The following TRPM3 variants were observed in gnomAD, a reference collection of about 807,000 sequenced individuals.
TRPM3 encodes transient receptor potential cation channel subfamily M member 3, also known as long transient receptor potential channel 3.
In TRPM3, 77 loss-of-function variants were observed where a neutral mutation model predicts 181.2. The observed-to-expected ratio is 0.42, with a 90% CI of 0.35 to 0.51. The LOEUF (loss-of-function observed/expected upper bound fraction) is 0.51. TRPM3 is among the 20% of genes least tolerant of loss of function. The pLI is 0.01. For synonymous variants in TRPM3, 745 were observed against 796.4 expected (o/e 0.94, Z 1.09); for missense variants, 1,759 against 2,196.7 (o/e 0.80, Z 3.98).
At chr9:71,349,762 C>G (rs2091498292) in intron 1 of TRPM3, among the ~76,000 whole-genome samples, 1 of 151,998 alleles carries the variant, frequency 6.6e-6, no homozygotes, top group Non-Finnish European at 1.5e-5. Flanking sequence ...AATCTTTCCC[C>G]CACGTGAATT....
chr9:71,156,374 CAG>C (rs1384938475), intron 1 of TRPM3, among the ~76,000 whole-genome samples: 4 of 100,316 alleles, frequency 4.0e-5, no homozygotes, highest in South Asian at 3.9e-4. Flanking sequence ...ATATATACTA[CAG>C]ACACACACAC....
intron 1 of TRPM3, among the ~76,000 whole-genome samples, chr9:71,015,177 TC>T (rs2097774730): frequency 6.6e-6 from 1 of 152,170 alleles, no homozygotes; most frequent in African/African-American, 2.4e-5. Context: ...AAATACTGAC[TC>T]CCTCTATTTA....
In TRPM3 at chr9:71,011,782, G is replaced by GTT. The variant is rs1246219196; in HGVS notation, c.177+109394_177+109395dup. Among the ~76,000 whole-genome samples, 43 of 93,222 alleles carry GTT rather than the reference G, an allele frequency of 4.6e-4. 2 individuals are homozygous for GTT. The highest frequency in any genetic ancestry group is 7.6e-4 in the South Asian group (2 of 2,626). 61.2% of individuals were successfully genotyped at this position (93,222 alleles called of 152,430 possible). Reference sequence around the variant, plus strand: ...GAATTCATCCATGGTTTTTTTTTTTGTTTTTTTGTTTTTTTTCAGACAGTA... The same window carrying GTT: ...GAATTCATCCATGGTTTTTTTTTTTGTTTTTTTTTGTTTTTTTTCAGACAGTA... On this transcript the variant is annotated intron_variant, in intron 1 of 25. Transcript: ENST00000677713.
chr9:71,441,926 C>G (rs1027879347), intron 1 of TRPM3, among the ~76,000 whole-genome samples: 2 of 152,102 alleles, frequency 1.3e-5, no homozygotes, highest in Non-Finnish European at 2.9e-5. Flanking sequence ...CCACTGTGCC[C>G]GGCCTTCTTC....
intron 1 of TRPM3, among the ~76,000 whole-genome samples, chr9:71,053,957 T>C (rs1440637478): frequency 1.3e-5 from 2 of 152,108 alleles, no homozygotes; most frequent in Non-Finnish European, 2.9e-5. Context: ...GGAGAATCAC[T>C]GGAGCACAGA....
intron 1 of TRPM3, among the ~76,000 whole-genome samples, chr9:71,402,920 A>C (rs1328123139): frequency 3.9e-5 from 6 of 152,170 alleles, no homozygotes; most frequent in Non-Finnish European, 8.8e-5. Flanking sequence ...TCACTCAAAA[A>C]ACATTAATGA....
intron 1 of TRPM3, among the ~76,000 whole-genome samples, chr9:71,208,719 G>T (rs1487847266): frequency 6.6e-6 from 1 of 152,096 alleles, no homozygotes; most frequent in Non-Finnish European, 1.5e-5. Flanking sequence ...CACAAGAATG[G>T]TTCTCATGGC....
intron 1 of TRPM3, among the ~76,000 whole-genome samples, chr9:71,291,574 C>A (rs71505936): frequency 6.6e-6 from 1 of 151,950 alleles, no homozygotes; most frequent in African/African-American, 2.4e-5. Flanking sequence ...AAAATAGACC[C>A]TAAGGCAAAA....
chr9:70,792,421 G>T (rs1275023074), intron 6 of TRPM3, among the ~76,000 whole-genome samples: 1 of 151,840 alleles, frequency 6.6e-6, no homozygotes, highest in African/African-American at 2.4e-5. Flanking sequence ...ATGGCCCCAG[G>T]AAGAGGGAAG....
intron 3 of TRPM3, among the ~76,000 whole-genome samples, chr9:70,853,520 T>G (rs535702297): frequency 1.3e-5 from 2 of 152,224 alleles, no homozygotes; most frequent in African/African-American, 4.8e-5. Flanking sequence ...GAGCGCTCAG[T>G]ATTTTACATG....
chr9:71,209,542 A>G (rs997929097), intron 1 of TRPM3, among the ~76,000 whole-genome samples: 2 of 152,228 alleles, frequency 1.3e-5, no homozygotes, highest in Non-Finnish European at 2.9e-5. Flanking sequence ...ACATCTGCCA[A>G]ATATTGGCAC....
chr9:70,986,170 G>A (rs2097419380), intron 1 of TRPM3, among the ~76,000 whole-genome samples: 1 of 151,862 alleles, frequency 6.6e-6, no homozygotes, highest in South Asian at 2.1e-4. Context: ...AGCTAGCCTG[G>A]GCAAGACCCC....
At chr9:70,895,582 A>G (rs1043631643) in intron 1 of TRPM3, among the ~76,000 whole-genome samples, 14 of 152,338 alleles carry the variant, frequency 9.2e-5, no homozygotes, top group Non-Finnish European at 1.9e-4. Flanking sequence ...ATTTATGAGC[A>G]AATTCCCAGT....
intron 1 of TRPM3, among the ~76,000 whole-genome samples, chr9:71,326,738 C>A (rs954922701): frequency 6.6e-6 from 1 of 152,154 alleles, no homozygotes; most frequent in Non-Finnish European, 1.5e-5. Context: ...GACATAGGAG[C>A]CAGCTAGAAT....
chr9:70,763,642 GT>G (rs1475792080), intron 7 of TRPM3, among the ~76,000 whole-genome samples: 1 of 151,964 alleles, frequency 6.6e-6, no homozygotes, highest in Non-Finnish European at 1.5e-5. Context: ...TCATTCATTT[GT>G]TTAGTCATTC....
chr9:70,905,568 T>C (rs2096452548), intron 1 of TRPM3, among the ~76,000 whole-genome samples: 1 of 152,196 alleles, frequency 6.6e-6, no homozygotes, highest in Non-Finnish European at 1.5e-5. Context: ...AACATACTAC[T>C]GTATAGACAG....
intron 1 of TRPM3, among the ~76,000 whole-genome samples, chr9:71,318,878 C>T (rs2088911466): frequency 6.6e-6 from 1 of 152,156 alleles, no homozygotes; most frequent in East Asian, 1.9e-4. Context: ...TTGCATTGCC[C>T]CCTAAACTTT....
chr9:70,781,010 C>T (rs2082327677), intron 7 of TRPM3, among the ~76,000 whole-genome samples: 1 of 152,012 alleles, frequency 6.6e-6, no homozygotes, highest in Non-Finnish European at 1.5e-5. Flanking sequence ...ACAACAAAAA[C>T]TGCTAATTAA....
intron 1 of TRPM3, among the ~76,000 whole-genome samples, chr9:71,423,361 T>C (rs2093810696): frequency 1.3e-5 from 2 of 152,098 alleles, no homozygotes; most frequent in Admixed American, 1.3e-4. Context: ...AGTTTCATCT[T>C]CTTTGCAACT....
Sources: gnomAD v4.1 joint callset for allele counts (sites outside exome capture counted in the v4.1 genomes callset) on GRCh38, gnomAD v4.1.1 for gene constraint, MANE v1.5 for transcripts, NCBI Gene and HGNC (gene_info 2026-07-23, HGNC 2026-07-21) for gene names.